Variants in SNRK observed in about 807,000 individuals in gnomAD.
SNRK encodes SNF related kinase.
In SNRK, 3 loss-of-function variants were observed where a neutral mutation model predicts 48.2. The observed-to-expected ratio is 0.06, with a 90% CI of 0.03 to 0.16. The LOEUF (loss-of-function observed/expected upper bound fraction) is 0.16, where lower values mean the gene tolerates loss of function less well. SNRK is among the 10% of genes least tolerant of loss of function. The pLI is 1.00. For synonymous variants in SNRK, 376 were observed against 366.1 expected, an observed-to-expected ratio of 1.03 and a Z score of -0.31; for missense variants, 627 against 976.0, an observed-to-expected ratio of 0.64 and a Z score of 4.76.
At chr3:43,329,442 A>C (rs1393946954) in intron 3 of SNRK, among the ~76,000 whole-genome samples, 3 of 152,180 alleles carry the variant, frequency 2.0e-5, no homozygotes. Flanking sequence ...CGTCTCAAAA[A>C]AAAAAAAAGT....
At position 43,348,127 on chromosome 3, in the gene SNRK, C is replaced by T; in HGVS notation, c.1868C>T (p.Thr623Ile). Residue 623 changes from threonine (T) to isoleucine (I), a missense_variant, in exon 7 of 7, where the codon ACA becomes ATA. By Grantham distance (89) the Thr-to-Ile change is moderately conservative. Transcript: ENST00000296088. ...AACCCCACCAATACATCGGGTACCA[C>T]ACGCCGCTGTGCCGGCCCCAGCAAC... Reference protein sequence around the residue: ...GGNPTNTSGTTRRCAGPSNSM... With the variant: ...GGNPTNTSGTIRRCAGPSNSM... 1.3e-6 allele frequency: 2 copies of T among 1,583,046 alleles called. No individual in the cohort carries two copies. Among genetic ancestry groups the T allele is most frequent in the Non-Finnish European group, 1.7e-6 (2 of 1,165,090 alleles).
In SNRK at chr3:43,308,723, G is replaced by C. The variant is rs182317509; in HGVS notation, c.589+4931G>C. Reference sequence around the variant, plus strand: ...TCTGATGGAGATGTACAAGGAAATTGATGTTGTTTTCATGCAGATAACACA... The same window carrying C: ...TCTGATGGAGATGTACAAGGAAATTCATGTTGTTTTCATGCAGATAACACA... On this transcript the variant is annotated intron_variant, in intron 3 of 6. Coordinates refer to ENST00000296088, the MANE Select transcript of SNRK (RefSeq NM_017719.5). Among the ~76,000 whole-genome samples the C allele has an allele frequency of 2.5e-3, 382 of 152,328 alleles. 2 individuals carry two copies. The highest frequency in any genetic ancestry group is 6.8e-3 in the Middle Eastern group (2 of 294).
At chr3:43,329,886 A>G (rs1393000605) in intron 3 of SNRK, among the ~76,000 whole-genome samples, 2 of 152,198 alleles carry the variant, frequency 1.3e-5, no homozygotes, top group Non-Finnish European at 2.9e-5. Flanking sequence ...ATGTTGGGTA[A>G]TTGTTAGTTG....
intron 3 of SNRK, among the ~76,000 whole-genome samples, chr3:43,322,404 C>T (rs375584795): frequency 6.6e-6 from 1 of 152,066 alleles, no homozygotes; most frequent in Admixed American, 6.5e-5. Flanking sequence ...GATTACAGTT[C>T]GTGGATGTAG....
At chr3:43,289,567 A>G (rs1170107779) in intron 1 of SNRK, among the ~76,000 whole-genome samples, 1 of 152,122 alleles carries the variant, frequency 6.6e-6, no homozygotes, top group Non-Finnish European at 1.5e-5. Context: ...TCTGCTCTGG[A>G]TAATCCAGAG....
intron 3 of SNRK, among the ~76,000 whole-genome samples, chr3:43,316,374 G>GC (rs1232285927): frequency 6.6e-6 from 1 of 151,800 alleles, no homozygotes; most frequent in African/African-American, 2.4e-5. Context: ...TGTTGCCTGG[G>GC]CCCCACCCCC....
At chr3:43,326,680 C>T (rs1204145050) in intron 3 of SNRK, among the ~76,000 whole-genome samples, 1 of 152,018 alleles carries the variant, frequency 6.6e-6, no homozygotes, top group Non-Finnish European at 1.5e-5. Flanking sequence ...GTCAGAGGAC[C>T]CTCAGAGTAG....
intron 3 of SNRK, among the ~76,000 whole-genome samples, chr3:43,314,481 A>C (rs1438152865): frequency 6.6e-6 from 1 of 152,138 alleles, no homozygotes; most frequent in Non-Finnish European, 1.5e-5. Context: ...GGAAATCTTG[A>C]CATATTCAAG....
intron 1 of SNRK, among the ~76,000 whole-genome samples, chr3:43,290,338 T>A (rs2090801491): frequency 6.6e-6 from 1 of 152,206 alleles, no homozygotes; most frequent in Admixed American, 6.5e-5. Context: ...ATTTGAATTG[T>A]TTTTCAATCA....
At chr3:43,325,617 T>G (rs1309305580) in intron 3 of SNRK, among the ~76,000 whole-genome samples, 1 of 152,214 alleles carries the variant, frequency 6.6e-6, no homozygotes, top group East Asian at 1.9e-4. Flanking sequence ...ACTAGACAAA[T>G]AGAATTGGAC....
intron 3 of SNRK, among the ~76,000 whole-genome samples, chr3:43,306,371 T>C (rs929504871): frequency 2.6e-5 from 4 of 152,194 alleles, no homozygotes; most frequent in African/African-American, 9.6e-5. Flanking sequence ...GAGATGTTAC[T>C]AAATAAAAAA....
intron 4 of SNRK, among the ~76,000 whole-genome samples, chr3:43,336,817 T>C (rs1244843420): frequency 6.6e-6 from 1 of 152,030 alleles, no homozygotes; most frequent in Non-Finnish European, 1.5e-5. Context: ...AGTGGTGTGA[T>C]CTCGGCTTGC....
Position 43,302,282 on chromosome 3 carries a change from T to C in SNRK, c.-106-816T>C, listed in dbSNP as rs561220533. On this transcript the variant is annotated intron_variant, in intron 2 of 6. Transcript: ENST00000296088. ...GTCAATGTTAATATGTTTACTGATA[T>C]GTTAAGCACCTACTATGTGCCAGGA... Among the ~76,000 whole-genome samples, 11 of 152,362 alleles carry C rather than the reference T, an allele frequency of 7.2e-5. No homozygotes were observed. In the East Asian group the frequency reaches 1.2e-3, roughly 16 times the overall value.
intron 3 of SNRK, among the ~76,000 whole-genome samples, chr3:43,311,657 T>C (rs1305002919): frequency 1.3e-5 from 2 of 152,084 alleles, no homozygotes; most frequent in Admixed American, 6.6e-5. Context: ...GTCACATCAG[T>C]TTATTCAGTG....
chr3:43,324,230 C>G (rs2091076895), intron 3 of SNRK, among the ~76,000 whole-genome samples: 1 of 152,180 alleles, frequency 6.6e-6, no homozygotes, highest in Non-Finnish European at 1.5e-5. Context: ...TGGCGTTAGG[C>G]CGGGCGTGGT....
intron 1 of SNRK, among the ~76,000 whole-genome samples, chr3:43,296,415 C>CGCATATATAT (rs1553632565): frequency 1.6e-5 from 2 of 127,242 alleles, no homozygotes; most frequent in Non-Finnish European, 3.1e-5. Flanking sequence ...GATATACTGG[C>CGCATATATAT]ATATATATAT....
chr3:43,318,009 G>A (rs1225032398), intron 3 of SNRK, among the ~76,000 whole-genome samples: 1 of 152,136 alleles, frequency 6.6e-6, no homozygotes, highest in African/African-American at 2.4e-5. Context: ...TGCTGCTTTG[G>A]GAAACGTCAT....
chr3:43,318,038 A>G (rs763191407), intron 3 of SNRK, among the ~76,000 whole-genome samples: 1 of 152,172 alleles, frequency 6.6e-6, no homozygotes. Context: ...TTATGTTTCT[A>G]TGGTGTTGCT....
intron 3 of SNRK, among the ~76,000 whole-genome samples, chr3:43,323,184 C>T (rs986210880): frequency 1.2e-4 from 18 of 151,836 alleles, no homozygotes; most frequent in African/African-American, 1.5e-4. Context: ...TGTAAAAGCT[C>T]GATCTGTGTC....
Sources: allele counts gnomAD v4.1 joint callset (sites outside exome capture counted in the v4.1 genomes callset), GRCh38; gene constraint gnomAD v4.1.1; transcripts MANE v1.5; gene names NCBI Gene and HGNC (gene_info 2026-07-23, HGNC 2026-07-21).